The following ISCA1 variants were observed in gnomAD, a reference collection of about 807,000 sequenced individuals.
ISCA1 encodes the protein iron-sulfur cluster assembly 1.
Under a neutral mutation model 14.7 loss-of-function variants are expected in ISCA1, and 9 were observed. The observed-to-expected ratio is 0.61, with a 90% CI of 0.37 to 1.07. The LOEUF (loss-of-function observed/expected upper bound fraction) is 1.07. Among genes scored for constraint, ISCA1 ranks in the 50% least tolerant of loss-of-function variants. The pLI is 0.01. For synonymous variants in ISCA1, 38 were observed against 54.3 expected, an observed-to-expected ratio of 0.70 and a Z score of 1.32; for missense variants, 102 against 150.1, an observed-to-expected ratio of 0.68 and a Z score of 1.67.
At chr9:86,268,445 A>C (rs1825319557) in intron 3 of ISCA1, among the ~76,000 whole-genome samples, 1 of 144,710 alleles carries the variant, frequency 6.9e-6, no homozygotes, top group South Asian at 2.2e-4. Context: ...AAAAGAGTCA[A>C]AAAAAAAAAA....
chr9:86,274,131 A>G, intron 2 of ISCA1, 58 bp downstream of exon 2: 1 of 954,832 alleles, frequency 1.0e-6, no homozygotes, highest in Non-Finnish European at 1.7e-6. Context: ...CATGGGATAA[A>G]TTCATTCTGA....
chr9:86,282,205 C>T, intron 1 of ISCA1, 173 bp downstream of exon 1: 1 of 680,782 alleles, frequency 1.5e-6, no homozygotes, highest in Non-Finnish European at 2.4e-6. Context: ...TTTATCGTTG[C>T]AAAGAGGGGC....
chr9:86,272,188 A>T (rs1825378587), intron 2 of ISCA1, 76 bp from the exon 3 acceptor site: 1 of 885,004 alleles, frequency 1.1e-6, no homozygotes, highest in Admixed American at 2.0e-5. Context: ...AAGTGACAGT[A>T]GCCTCCTCGT....
At chr9:86,274,385 T>C (rs1264914181) in intron 1 of ISCA1, 143 bp from the exon 2 acceptor site, 7 of 615,934 alleles carry the variant, frequency 1.1e-5, no homozygotes, top group South Asian at 2.0e-5. Flanking sequence ...GGACTTTATA[T>C]AGAAACACAT....
At chr9:86,268,924 A>G (rs1825328353) in intron 3 of ISCA1, among the ~76,000 whole-genome samples, 1 of 152,024 alleles carries the variant, frequency 6.6e-6, no homozygotes, top group Non-Finnish European at 1.5e-5. Flanking sequence ...GCCTCCCAGT[A>G]GCTGGGACTA....
At chr9:86,271,076 A>G (rs1825363020) in intron 3 of ISCA1, among the ~76,000 whole-genome samples, 1 of 150,944 alleles carries the variant, frequency 6.6e-6, no homozygotes, top group African/African-American at 2.5e-5. Context: ...CATGTACCCT[A>G]AAACTTAAAG....
chr9:86,267,258 A>G (rs1422103214), intron 3 of ISCA1: 1 of 784,394 alleles, frequency 1.3e-6, no homozygotes, highest in Non-Finnish European at 1.5e-6. Flanking sequence ...CAACAAAAAA[A>G]CTTTCTTCCT....
At chr9:86,274,267 A>G in intron 1 of ISCA1, 25 bp from the exon 2 acceptor site, 1 of 1,500,666 alleles carries the variant, frequency 6.7e-7, no homozygotes, top group Non-Finnish European at 9.3e-7. Flanking sequence ...TGATGTTTTT[A>G]GCTACAAAAC....
chr9:86,278,292 A>T (rs543944802), intron 1 of ISCA1, among the ~76,000 whole-genome samples: 1 of 152,290 alleles, frequency 6.6e-6, no homozygotes, highest in East Asian at 1.9e-4. Context: ...AAATAAGAAA[A>T]GACAAAAGCA....
intron 1 of ISCA1, among the ~76,000 whole-genome samples, chr9:86,278,589 G>C (rs1227968836): frequency 6.6e-6 from 1 of 152,134 alleles, no homozygotes; most frequent in Non-Finnish European, 1.5e-5. Flanking sequence ...AGGATTGCTT[G>C]AGCCCAGGAG....
chr9:86,276,394 C>T (rs1055958212), intron 1 of ISCA1, among the ~76,000 whole-genome samples: 11 of 152,180 alleles, frequency 7.2e-5, no homozygotes, highest in African/African-American at 2.7e-4. Context: ...GTCTGTAGCG[C>T]AGGGACTGGG....
At chr9:86,274,689 T>C (rs1411144830) in intron 1 of ISCA1, among the ~76,000 whole-genome samples, 1 of 152,176 alleles carries the variant, frequency 6.6e-6, no homozygotes, top group East Asian at 1.9e-4. Context: ...TGCTTTTTTT[T>C]TTCTTACTCA....
intron 1 of ISCA1, among the ~76,000 whole-genome samples, chr9:86,277,733 A>G (rs1327505389): frequency 6.6e-6 from 1 of 152,202 alleles, no homozygotes. Flanking sequence ...AATATAGCTT[A>G]CCTGAGATTT....
intron 3 of ISCA1, among the ~76,000 whole-genome samples, chr9:86,271,059 T>C (rs933621932): frequency 1.3e-5 from 2 of 151,594 alleles, no homozygotes; most frequent in African/African-American, 4.9e-5. Flanking sequence ...AAGCTGCACA[T>C]TGTGCACATG....
In ISCA1 at chr9:86,268,460, A is replaced by C. The variant is rs74597410; in HGVS notation, c.242-2269T>G. On this transcript the variant is annotated intron_variant, in intron 3 of 3. Transcript: ENST00000375991. The stretch of plus-strand genomic sequence containing the variant: ...AAAAGAGTCAAAAAAAAAAAAAAAA[A>C]CCCCAAAGCTTACAAAGTAAAAAAG... Among the ~76,000 whole-genome samples the C allele has an allele frequency of 1.6e-3, 238 of 151,016 alleles. 3 individuals carry two copies. The South Asian group carries it at 0.018, about 11-fold the overall frequency.
At chr9:86,274,304 A>C (rs1162886789) in intron 1 of ISCA1, 62 bp from the exon 2 acceptor site, 1 of 1,047,778 alleles carries the variant, frequency 9.5e-7, no homozygotes, top group African/African-American at 1.6e-5. Flanking sequence ...CATATTTATC[A>C]GTCTTCGTAA....
In ISCA1 at chr9:86,264,650, T is replaced by C. The variant is rs368273646; in HGVS notation, c.*1393A>G. 6.6e-6 allele frequency: 1 copy of C among 152,568 alleles called. No homozygotes were observed. Among genetic ancestry groups the C allele is most frequent in the Non-Finnish European group, 1.5e-5 (1 of 68,042 alleles). The allele number at this position is 152,568 out of a possible 1,614,324, so 9.5% of individuals were successfully genotyped here. ...AGTGGATCAACAATTATATTATTGA[T>C]ACAAACTCATGAGCATTTACATAAA... is the stretch of plus-strand genomic sequence containing the variant. On this transcript the variant is annotated 3_prime_UTR_variant, in exon 4 of 4. Coordinates refer to ENST00000375991, the MANE Select transcript of ISCA1 (RefSeq NM_030940.4).
chr9:86,276,699 C>T (rs545365759), intron 1 of ISCA1, among the ~76,000 whole-genome samples: 16 of 151,640 alleles, frequency 1.1e-4, no homozygotes, highest in African/African-American at 3.6e-4. Flanking sequence ...GGTGAAACCC[C>T]GTCTCTATTA....
chr9:86,280,920 C>T (rs749859704), intron 1 of ISCA1, among the ~76,000 whole-genome samples: 2 of 151,622 alleles, frequency 1.3e-5, no homozygotes, highest in African/African-American at 2.4e-5. Context: ...AGAGTGAGAC[C>T]CTGTCTCCAA....
Sources: gnomAD v4.1 joint callset for allele counts (sites outside exome capture counted in the v4.1 genomes callset) on GRCh38, gnomAD v4.1.1 for gene constraint, MANE v1.5 for transcripts, NCBI Gene and HGNC (gene_info 2026-07-23, HGNC 2026-07-21) for gene names.